The following BOC variants were observed in gnomAD, a reference collection of about 807,000 sequenced individuals.
The protein encoded by BOC is brother of CDO.
A neutral mutation model predicts 112.0 loss-of-function variants in BOC; 76 were observed. The ratio of observed to expected loss-of-function variants is 0.68; its 90% CI spans 0.56 to 0.82. The LOEUF (loss-of-function observed/expected upper bound fraction) is 0.82. Among genes scored for constraint, BOC ranks in the 40% least tolerant of loss-of-function variants. BOC has a pLI of 0.00. For missense variants in BOC, 1,309 were observed against 1,511.7 expected, an observed-to-expected ratio of 0.87 and a Z score of 2.22; for synonymous variants, 580 against 599.8, an observed-to-expected ratio of 0.97 and a Z score of 0.48.
chr3:113,252,513 G>A (rs1212687712), intron 4 of BOC, among the ~76,000 whole-genome samples: 2 of 152,144 alleles, frequency 1.3e-5, no homozygotes, highest in Admixed American at 6.5e-5. Context: ...GTCCTGGGAG[G>A]AGAGTAGGGA....
At chr3:113,255,794 C>T (rs4682479) in intron 4 of BOC, among the ~76,000 whole-genome samples, 30,211 of 152,150 alleles carry the variant, frequency 0.2, 3,829 homozygotes, top group East Asian at 0.46. Flanking sequence ...CCTCATGAAT[C>T]TCTGACTTTG....
chr3:113,213,697 A>G (rs942390008), intron 1 of BOC, among the ~76,000 whole-genome samples: 4 of 152,216 alleles, frequency 2.6e-5, no homozygotes, highest in Admixed American at 1.3e-4. Flanking sequence ...TAATGGTCTC[A>G]TAATTGAGAC....
intron 4 of BOC, among the ~76,000 whole-genome samples, chr3:113,252,240 G>A (rs1945722845): frequency 6.6e-6 from 1 of 152,184 alleles, no homozygotes; most frequent in Non-Finnish European, 1.5e-5. Context: ...AGGGAAACTT[G>A]TTGAGACTTT....
At chr3:113,284,677 C>T in intron 17 of BOC, 105 bp from the exon 18 acceptor site, 1 of 1,525,864 alleles carries the variant, frequency 6.6e-7, no homozygotes, top group Non-Finnish European at 9.1e-7. Flanking sequence ...GCTGCTGGGC[C>T]AGGCTTTCTT....
chr3:113,283,731 C>A, intron 16 of BOC, 99 bp downstream of exon 16: 2 of 1,158,918 alleles, frequency 1.7e-6, no homozygotes, highest in Non-Finnish European at 2.5e-6. Context: ...AAAGCTCAAG[C>A]CCAAGTCCCC....
chr3:113,265,177 G>A (rs756073026), intron 4 of BOC, among the ~76,000 whole-genome samples: 16 of 152,196 alleles, frequency 1.1e-4, no homozygotes, highest in Non-Finnish European at 2.4e-4. Context: ...TGCTCCCTCC[G>A]TGCCTGGATA....
chr3:113,271,439 A>G, intron 6 of BOC: 2 of 330,212 alleles, frequency 6.1e-6, no homozygotes, highest in Non-Finnish European at 1.2e-5. Flanking sequence ...CTCAATGCAC[A>G]GGAAAACAGC....
chr3:113,281,023 T>C lies in BOC; in HGVS notation c.2312-8T>C. The stretch of plus-strand genomic sequence containing the variant: ...TGCCATGCACCATTCTCTGACTCTG[T>C]TTCCCAGGGGACAAGTACTGGCACT... On this transcript the variant is annotated splice_region_variant and splice_polypyrimidine_tract_variant and intron_variant, in intron 14 of 19. Coordinates refer to ENST00000682979, the MANE Select transcript of BOC (RefSeq NM_001378074.1). 6.2e-7 allele frequency: 1 copy of C among 1,613,814 alleles called. No homozygotes were observed.
intron 6 of BOC, chr3:113,271,377 T>TCAGTGCA (rs1306976444): frequency 1.1e-5 from 4 of 376,040 alleles, no homozygotes; most frequent in Non-Finnish European, 2.1e-5. Flanking sequence ...TCTGCACTGA[T>TCAGTGCA]GAGGTGTGCC....
intron 2 of BOC, among the ~76,000 whole-genome samples, chr3:113,233,148 G>GTGT (rs1553725801): frequency 1.0e-4 from 13 of 123,960 alleles, no homozygotes; most frequent in Admixed American, 3.4e-4. Flanking sequence ...AAAGGATTGG[G>GTGT]GTGTGTGTGT....
intron 6 of BOC, chr3:113,271,149 C>G: frequency 1.4e-6 from 1 of 735,794 alleles, no homozygotes; most frequent in Non-Finnish European, 2.4e-6. Context: ...TCACAGCACA[C>G]AGCACCAGGC....
At chr3:113,261,898 A>G (rs1186118695) in intron 4 of BOC, 1 of 152,010 alleles carries the variant, frequency 6.6e-6, no homozygotes, top group Non-Finnish European at 1.5e-5. Context: ...TCTGGGTGTA[A>G]ATCCCACCTC....
chr3:113,215,539 T>A (rs1306829243), intron 1 of BOC, among the ~76,000 whole-genome samples: 2 of 152,198 alleles, frequency 1.3e-5, no homozygotes, highest in Admixed American at 6.5e-5. Flanking sequence ...TACTCCACCA[T>A]CTTTTTCATT....
chr3:113,250,606 G>A lies in BOC; in HGVS notation c.149G>A (p.Gly50Glu). The A allele has an allele frequency of 6.2e-7, 1 of 1,614,190 alleles. No homozygotes were observed. The highest frequency in any genetic ancestry group is 8.5e-7 in the Non-Finnish European group (1 of 1,180,028). The change falls in exon 4 of 20, where the codon GGA becomes GAA. Residue 50 changes from glycine (G) to glutamate (E), a missense_variant. Transcript: ENST00000682979. Reference sequence around the variant, plus strand: ...CCTGCGTCCACCGTCCAGAAGCCCGGAGGCACTGTGATCTTGGGCTGCGTG... The same window carrying A: ...CCTGCGTCCACCGTCCAGAAGCCCGAAGGCACTGTGATCTTGGGCTGCGTG... Reference protein sequence around the residue: ...VQPASTVQKPGGTVILGCVVE... With the variant: ...VQPASTVQKPEGTVILGCVVE...
intron 11 of BOC, 92 bp from the exon 12 acceptor site, chr3:113,279,157 G>A: frequency 7.4e-7 from 1 of 1,342,296 alleles, no homozygotes; most frequent in East Asian, 2.4e-5. Context: ...GAGCAGGCCA[G>A]GCCCAGTGGG....
intron 2 of BOC, among the ~76,000 whole-genome samples, chr3:113,242,721 C>T (rs1211975627): frequency 2.0e-5 from 3 of 152,124 alleles, no homozygotes. Context: ...CCATCACTAA[C>T]TCCTCTCCTT....
intron 19 of BOC, 147 bp from the exon 20 acceptor site, chr3:113,286,528 G>T (rs1463168718): frequency 1.4e-6 from 1 of 701,526 alleles, no homozygotes; most frequent in Non-Finnish European, 2.3e-6. Flanking sequence ...GGGAACAGAA[G>T]TGCCCTTGTC....
chr3:113,250,388 T>C (rs1175357774), intron 3 of BOC, among the ~76,000 whole-genome samples, 167 bp from the exon 4 acceptor site: 3 of 152,212 alleles, frequency 2.0e-5, no homozygotes, highest in Non-Finnish European at 4.4e-5. Context: ...ATCTACTCTC[T>C]GGGAACAAAG....
chr3:113,233,148 G>GTGTGTGTGT (rs1553725801), intron 2 of BOC, among the ~76,000 whole-genome samples: 7 of 123,962 alleles, frequency 5.6e-5, no homozygotes, highest in East Asian at 2.5e-4. Flanking sequence ...AAAGGATTGG[G>GTGTGTGTGT]GTGTGTGTGT....
Sources: gnomAD v4.1 joint callset for allele counts (sites outside exome capture counted in the v4.1 genomes callset) on GRCh38, gnomAD v4.1.1 for gene constraint, MANE v1.5 for transcripts, NCBI Gene and HGNC (gene_info 2026-07-23, HGNC 2026-07-21) for gene names.